ZFHX3: variants seen among roughly 807,000 people sequenced by gnomAD.
ZFHX3 encodes the protein zinc finger homeobox protein 3.
ZFHX3 carries 42 observed loss-of-function variants against 279.1 expected under a neutral mutation model. The observed-to-expected ratio is 0.15, with a 90% CI of 0.12 to 0.19. The LOEUF (loss-of-function observed/expected upper bound fraction) is 0.19, where lower values mean the gene tolerates loss of function less well. Among genes scored for constraint, ZFHX3 ranks in the 10% least tolerant of loss-of-function variants. The probability of loss-of-function intolerance (pLI) is 1.00; values close to 1 mark genes in which losing one functional copy is unlikely to be tolerated. For missense variants in ZFHX3, 4,981 were observed against 4,754.0 expected (o/e 1.05, Z -1.40); for synonymous variants, 2,293 against 1,957.8 (o/e 1.17, Z -4.52).
In ZFHX3 at chr16:72,811,653, T is replaced by C. The variant is rs2036452087; in HGVS notation, c.3788A>G (p.Asn1263Ser). The C allele has an allele frequency of 1.9e-6, 3 of 1,613,700 alleles. No homozygotes were observed. Among genetic ancestry groups the C allele is most frequent in the Non-Finnish European group, 2.5e-6 (3 of 1,179,898 alleles). The change falls in exon 7 of 10, where the codon AAC (asparagine) becomes AGC (serine). Residue 1263 changes from asparagine to serine, a missense_variant. This residue lies in a region of ZFHX3 where 1,751 missense variants were observed against 1,770.0 expected (regional missense o/e 0.99). Coordinates refer to ENST00000268489, the MANE Select transcript of ZFHX3 (RefSeq NM_006885.4). Reference sequence around the variant, plus strand: ...GAGGTGCAGCTGGAGGTGGATCTTGTTGTTGAGCATGTCCTGGCACAGGGG... The same window carrying C: ...GAGGTGCAGCTGGAGGTGGATCTTGCTGTTGAGCATGTCCTGGCACAGGGG... ...RCPLCQDMLN[N>S]KIHLQLHLTH...
At chr16:73,178,617 T>C (rs1186167209) in intron 5 of ZFHX3, among the ~76,000 whole-genome samples, 1 of 152,234 alleles carries the variant, frequency 6.6e-6, no homozygotes, top group Non-Finnish European at 1.5e-5. Context: ...ATGTTCATCC[T>C]TAAACATGGC....
chr16:72,964,450 G>A (rs1961733718), intron 1 of ZFHX3, among the ~76,000 whole-genome samples: 1 of 152,126 alleles, frequency 6.6e-6, no homozygotes, highest in East Asian at 1.9e-4. Flanking sequence ...AGGAAAACAG[G>A]AGAGACTTAT....
At chr16:73,118,947 A>G (rs562114499) in intron 7 of ZFHX3, among the ~76,000 whole-genome samples, 4 of 152,280 alleles carry the variant, frequency 2.6e-5, no homozygotes, top group African/African-American at 9.6e-5. Context: ...ATTCCAGCTG[A>G]GAGCCCTGAA....
chr16:73,480,152 T>C (rs2018839348), intron 2 of ZFHX3, among the ~76,000 whole-genome samples: 1 of 152,160 alleles, frequency 6.6e-6, no homozygotes, highest in South Asian at 2.1e-4. Flanking sequence ...GCTTCAGATA[T>C]CTAAAGCAGC....
At chr16:73,579,661 C>A (rs1432181533) in intron 2 of ZFHX3, among the ~76,000 whole-genome samples, 2 of 149,546 alleles carry the variant, frequency 1.3e-5, no homozygotes, top group East Asian at 3.9e-4. Flanking sequence ...GCCACCATGC[C>A]TGGCTAATTT....
intron 4 of ZFHX3, among the ~76,000 whole-genome samples, chr16:73,307,100 G>T (rs1567445809): frequency 1.3e-5 from 2 of 152,190 alleles, no homozygotes; most frequent in Non-Finnish European, 2.9e-5. Flanking sequence ...TGGTTAAGAT[G>T]ATCTTTGGAG....
At chr16:72,812,805 A>G (rs2036496985) in intron 5 of ZFHX3, among the ~76,000 whole-genome samples, 1 of 152,202 alleles carries the variant, frequency 6.6e-6, no homozygotes, top group Non-Finnish European at 1.5e-5. Context: ...CGCTATTTAA[A>G]GAGGAGTGGC....
intron 2 of ZFHX3, among the ~76,000 whole-genome samples, chr16:73,495,861 C>G: frequency 6.6e-6 from 1 of 152,090 alleles, no homozygotes; most frequent in Non-Finnish European, 1.5e-5. Context: ...CAGCTTAAAA[C>G]TGCAGGTCAC....
At chr16:72,947,368 A>G (rs944399422) in intron 3 of ZFHX3, among the ~76,000 whole-genome samples, 7 of 152,220 alleles carry the variant, frequency 4.6e-5, no homozygotes, top group Non-Finnish European at 1.0e-4. Context: ...ACCCTCTCTC[A>G]TTTCTGGATT....
chr16:73,153,155 G>A (rs922020351), intron 5 of ZFHX3, among the ~76,000 whole-genome samples: 5 of 152,158 alleles, frequency 3.3e-5, no homozygotes, highest in African/African-American at 9.7e-5. Flanking sequence ...CCAAACCAGT[G>A]AAGAAAGGGA....
chr16:73,552,763 G>A (rs746123717), intron 2 of ZFHX3, among the ~76,000 whole-genome samples: 14 of 152,116 alleles, frequency 9.2e-5, no homozygotes, highest in Non-Finnish European at 1.8e-4. Context: ...TTGTCATGCT[G>A]CATTTATATT....
rs1216422012 is a variant in ZFHX3 at position 72,787,602 on chromosome 16, G to C, written c.10674C>G (p.Ile3558Met). The change falls in exon 10 of 10, where the codon ATC (isoleucine) becomes ATG (methionine). Residue 3558 changes from isoleucine to methionine, a missense_variant. Coordinates refer to ENST00000268489, the MANE Select transcript of ZFHX3 (RefSeq NM_006885.4). ...LESALHKHRTITRAARNAKEH... is the reference protein window; with the variant it reads ...LESALHKHRTMTRAARNAKEH... The stretch of plus-strand genomic sequence containing the variant: ...CTTTGGCGTTTCTTGCTGCTCTCGT[G>C]ATTGTTCTGTGTTTGTGCAAGGCCG... 2 of 1,613,814 alleles carry C rather than the reference G, an allele frequency of 1.2e-6. No individual in the cohort carries two copies. The highest frequency in any genetic ancestry group is 1.3e-5 in the African/African-American group (1 of 74,870).
At chr16:73,218,867 T>G (rs2012304815) in intron 5 of ZFHX3, among the ~76,000 whole-genome samples, 1 of 152,216 alleles carries the variant, frequency 6.6e-6, no homozygotes, top group African/African-American at 2.4e-5. Context: ...ACATCCACAA[T>G]GTTGTGCAAC....
chr16:73,064,375 G>T (rs1039788209), upstream of ZFHX3, among the ~76,000 whole-genome samples: 8 of 152,086 alleles, frequency 5.3e-5, 1 homozygote, highest in African/African-American at 1.9e-4. Context: ...TGGTCTAGAA[G>T]GCAGCTGAGG....
intron 7 of ZFHX3, among the ~76,000 whole-genome samples, chr16:72,804,875 G>A (rs2036214316): frequency 6.6e-6 from 1 of 152,184 alleles, no homozygotes; most frequent in Non-Finnish European, 1.5e-5. Flanking sequence ...GACCGTTCAT[G>A]CCAATTCATC....
At chr16:73,489,169 CT>C (rs1597355646) in intron 2 of ZFHX3, among the ~76,000 whole-genome samples, 2 of 152,254 alleles carry the variant, frequency 1.3e-5, no homozygotes, top group East Asian at 3.9e-4. Flanking sequence ...GGAAAATGCC[CT>C]CTTGATCCCA....
intron 4 of ZFHX3, among the ~76,000 whole-genome samples, chr16:73,276,034 G>T (rs974869982): frequency 1.3e-5 from 2 of 151,934 alleles, no homozygotes; most frequent in African/African-American, 4.8e-5. Context: ...AAGATGAAGC[G>T]TCCATGCCCC....
At chr16:73,518,103 CAGTT>C (rs1422706818) in intron 2 of ZFHX3, among the ~76,000 whole-genome samples, 1 of 152,128 alleles carries the variant, frequency 6.6e-6, no homozygotes, top group African/African-American at 2.4e-5. Context: ...CTACATATCT[CAGTT>C]AGGACTAGCC....
intron 1 of ZFHX3, among the ~76,000 whole-genome samples, chr16:73,020,337 G>A (rs1192162219): frequency 6.6e-6 from 1 of 152,188 alleles, no homozygotes; most frequent in Non-Finnish European, 1.5e-5. Context: ...CCACGAAGAG[G>A]GGTGATGTTG....
Sources: gnomAD v4.1 joint callset for allele counts (sites outside exome capture counted in the v4.1 genomes callset) on GRCh38, gnomAD v4.1.1 for gene constraint, gnomAD v4.1.1 regional missense constraint, MANE v1.5 for transcripts, NCBI Gene and HGNC (gene_info 2026-07-23, HGNC 2026-07-21) for gene names.